MMP16: variants seen among roughly 807,000 people sequenced by gnomAD.
MMP16 encodes matrix metalloproteinase-16.
MMP16 carries 12 observed loss-of-function variants against 67.8 expected under a neutral mutation model. That is an observed-to-expected ratio of 0.18 (90% CI 0.11 to 0.29). MMP16 has a LOEUF of 0.29. MMP16 is among the 10% of genes least tolerant of loss of function. The probability of loss-of-function intolerance (pLI) is 1.00; values close to 1 mark genes in which losing one functional copy is unlikely to be tolerated. For missense variants in MMP16, 475 were observed against 765.7 expected (o/e 0.62, Z 4.48); for synonymous variants, 249 against 255.9 (o/e 0.97, Z 0.26).
chr8:88,052,210 C>CA (rs1221568856), intron 8 of MMP16, among the ~76,000 whole-genome samples: 8 of 152,148 alleles, frequency 5.3e-5, no homozygotes, highest in Non-Finnish European at 1.2e-4. Context: ...ATAGGCACCT[C>CA]AGTCAAGCAT....
intron 1 of MMP16, among the ~76,000 whole-genome samples, chr8:88,307,514 C>T (rs977457157): frequency 6.6e-6 from 1 of 151,976 alleles, no homozygotes; most frequent in Admixed American, 6.6e-5. Context: ...CATGCTATGT[C>T]CTCACCATCA....
intron 1 of MMP16, among the ~76,000 whole-genome samples, chr8:88,324,501 C>A (rs1390258625): frequency 6.6e-6 from 1 of 152,070 alleles, no homozygotes; most frequent in East Asian, 1.9e-4. Context: ...TAGTTGTCAG[C>A]ATAAAAAGCA....
intron 1 of MMP16, among the ~76,000 whole-genome samples, chr8:88,311,908 A>G (rs1005116657): frequency 5.3e-5 from 8 of 152,206 alleles, no homozygotes; most frequent in African/African-American, 1.9e-4. Flanking sequence ...GCAACCCAAA[A>G]TAGACATCAG....
chr8:88,179,323 A>T (rs753886159), intron 3 of MMP16, among the ~76,000 whole-genome samples: 3 of 152,090 alleles, frequency 2.0e-5, no homozygotes, highest in Admixed American at 6.5e-5. Flanking sequence ...TTTAAATAAT[A>T]AAACCACCAA....
At chr8:88,156,018 A>T (rs528848328) in intron 4 of MMP16, among the ~76,000 whole-genome samples, 1 of 152,290 alleles carries the variant, frequency 6.6e-6, no homozygotes, top group East Asian at 1.9e-4. Context: ...ATTTGTTATG[A>T]GGAATAAATG....
intron 1 of MMP16, among the ~76,000 whole-genome samples, chr8:88,221,341 G>C (rs1308265521): frequency 6.6e-6 from 1 of 152,120 alleles, no homozygotes; most frequent in East Asian, 1.9e-4. Flanking sequence ...TGTATGCACA[G>C]TGAAGCCCTC....
intron 1 of MMP16, among the ~76,000 whole-genome samples, chr8:88,255,142 G>A (rs570478698): frequency 2.0e-5 from 3 of 152,244 alleles, no homozygotes; most frequent in African/African-American, 7.2e-5. Context: ...TGGGTCATGG[G>A]GATGGACCCC....
At chr8:88,197,032 A>G (rs1809267207) in intron 2 of MMP16, 126 bp downstream of exon 2, 2 of 874,056 alleles carry the variant, frequency 2.3e-6, no homozygotes, top group African/African-American at 3.5e-5. Context: ...TAGGTTATAT[A>G]ATTCCAAAGA....
chr8:88,243,581 T>C (rs141084438), intron 1 of MMP16, among the ~76,000 whole-genome samples: 3 of 152,302 alleles, frequency 2.0e-5, no homozygotes, highest in Non-Finnish European at 2.9e-5. Context: ...CAGAATGAGA[T>C]AGTAGACGCT....
chr8:88,236,276 A>G (rs1204598402), intron 1 of MMP16, among the ~76,000 whole-genome samples: 3 of 152,224 alleles, frequency 2.0e-5, no homozygotes, highest in African/African-American at 7.2e-5. Flanking sequence ...ACCACTTACT[A>G]GTTAAAGGTA....
intron 1 of MMP16, among the ~76,000 whole-genome samples, chr8:88,316,239 T>G (rs957140286): frequency 2.0e-5 from 3 of 152,186 alleles, no homozygotes; most frequent in African/African-American, 7.2e-5. Context: ...AAATAATCGA[T>G]GTAGGTGGGT....
intron 6 of MMP16, among the ~76,000 whole-genome samples, chr8:88,114,295 G>A (rs971727959): frequency 6.7e-6 from 1 of 150,130 alleles, no homozygotes; most frequent in Non-Finnish European, 1.5e-5. Context: ...CCCTCCATAC[G>A]CAAACTTATT....
chr8:88,254,270 G>A (rs774181935), intron 1 of MMP16, among the ~76,000 whole-genome samples: 6 of 152,186 alleles, frequency 3.9e-5, no homozygotes, highest in African/African-American at 1.2e-4. Flanking sequence ...GAGAACACAT[G>A]GACACGTCCA....
intron 6 of MMP16, among the ~76,000 whole-genome samples, chr8:88,110,511 A>G (rs1809315820): frequency 6.6e-6 from 1 of 151,498 alleles, no homozygotes; most frequent in African/African-American, 2.4e-5. Context: ...TCTTATGTGA[A>G]TCTAGACCCA....
At chr8:88,048,959 C>A (rs928008575) in intron 8 of MMP16, among the ~76,000 whole-genome samples, 2 of 152,164 alleles carry the variant, frequency 1.3e-5, no homozygotes, top group African/African-American at 4.8e-5. Context: ...TTCCTAGAAA[C>A]CTCACTTGAG....
intron 1 of MMP16, among the ~76,000 whole-genome samples, chr8:88,255,633 C>A (rs1009389434): frequency 1.3e-5 from 2 of 152,138 alleles, no homozygotes; most frequent in African/African-American, 4.8e-5. Context: ...AAAACCGTTG[C>A]CTCTTTATTG....
chr8:88,118,929 T>C, intron 4 of MMP16, 68 bp from the exon 5 acceptor site: 1 of 1,456,182 alleles, frequency 6.9e-7, no homozygotes, highest in Non-Finnish European at 9.4e-7. Context: ...AAGGACAATT[T>C]GGTATTATCA....
chr8:88,089,752 A>G (rs995350237), intron 6 of MMP16, among the ~76,000 whole-genome samples: 6 of 151,980 alleles, frequency 3.9e-5, no homozygotes, highest in Admixed American at 3.3e-4. Context: ...CAACAAGTAG[A>G]GAAAATAAAG....
At chr8:88,161,278 C>T (rs199908326) in intron 4 of MMP16, among the ~76,000 whole-genome samples, 4 of 151,916 alleles carry the variant, frequency 2.6e-5, no homozygotes, top group East Asian at 1.9e-4. Context: ...AGTCTTGGGA[C>T]GGTGTATGTG....
Sources: gnomAD v4.1 joint callset for allele counts (sites outside exome capture counted in the v4.1 genomes callset) on GRCh38, gnomAD v4.1.1 for gene constraint, MANE v1.5 for transcripts, NCBI Gene and HGNC (gene_info 2026-07-23, HGNC 2026-07-21) for gene names.